Variants in POLQ observed in about 807,000 individuals in gnomAD.
POLQ encodes epididymis secretory sperm binding protein.
A neutral mutation model predicts 259.2 loss-of-function variants in POLQ; 233 were observed. That is an observed-to-expected ratio of 0.90 (90% CI 0.81 to 1.00). POLQ has a LOEUF of 1.00. Ranked by LOEUF, POLQ falls within the 50% of genes least tolerant of loss-of-function variation. POLQ has a pLI of 0.00. For missense variants in POLQ, 2,871 were observed against 3,051.6 expected (o/e 0.94, Z 1.39); for synonymous variants, 1,025 against 1,048.8 (o/e 0.98, Z 0.44).
At chr3:121,542,346 C>G (rs1006265131) in intron 2 of POLQ, among the ~76,000 whole-genome samples, 1 of 151,792 alleles carries the variant, frequency 6.6e-6, no homozygotes, top group African/African-American at 2.4e-5. Flanking sequence ...GTTGCAGTCA[C>G]GCCATTGCAC....
In POLQ at chr3:121,436,280, A is replaced by G; in HGVS notation, c.7390-5T>C. 6.2e-7 allele frequency: 1 copy of G among 1,613,522 alleles called. No individual in the cohort carries two copies. Among genetic ancestry groups the G allele is most frequent in the Non-Finnish European group, 8.5e-7 (1 of 1,179,588 alleles). ...GTTGATAGCTTGACGCTCAGCCTAGAAAAAACAATCAACAGGTGCTCCACC... is the reference window on the plus strand; with the variant it reads ...GTTGATAGCTTGACGCTCAGCCTAGGAAAAACAATCAACAGGTGCTCCACC... On this transcript the variant is annotated splice_region_variant and splice_polypyrimidine_tract_variant and intron_variant, in intron 27 of 29. Coordinates refer to ENST00000264233, the MANE Select transcript of POLQ (RefSeq NM_199420.4).
At chr3:121,509,731 G>A in intron 11 of POLQ, 28 bp from the exon 12 acceptor site, 1 of 1,588,916 alleles carries the variant, frequency 6.3e-7, no homozygotes, top group Non-Finnish European at 8.6e-7. Flanking sequence ...TGAGGAAACA[G>A]AGGAACAAAC....
intron 22 of POLQ, among the ~76,000 whole-genome samples, chr3:121,469,941 C>G (rs1021118327): frequency 2.0e-5 from 3 of 151,834 alleles, no homozygotes; most frequent in Admixed American, 6.6e-5. Flanking sequence ...GAACAAATAA[C>G]AAAGCAGAAG....
intron 25 of POLQ, among the ~76,000 whole-genome samples, chr3:121,458,746 C>T (rs79003809): frequency 3.9e-5 from 6 of 152,212 alleles, no homozygotes; most frequent in Non-Finnish European, 7.4e-5. Flanking sequence ...GCTTGATGAG[C>T]CAGTCAAGAA....
chr3:121,513,351 C>G (rs530840501), intron 9 of POLQ, among the ~76,000 whole-genome samples: 58 of 152,116 alleles, frequency 3.8e-4, no homozygotes, highest in African/African-American at 1.4e-3. Context: ...CACCTTTAAT[C>G]CCAGCACTTT....
intron 26 of POLQ, among the ~76,000 whole-genome samples, chr3:121,447,591 T>C (rs759022872): frequency 6.6e-6 from 1 of 152,222 alleles, no homozygotes; most frequent in African/African-American, 2.4e-5. Context: ...TATATCACAA[T>C]TGCAATGTTA....
intron 17 of POLQ, among the ~76,000 whole-genome samples, 181 bp downstream of exon 17, chr3:121,484,860 C>A (rs892870037): frequency 1.3e-5 from 2 of 152,108 alleles, no homozygotes; most frequent in African/African-American, 2.4e-5. Context: ...AAGATCATGC[C>A]ACTGTACTCC....
chr3:121,489,354 T>C lies in POLQ; in HGVS notation c.3577A>G (p.Asn1193Asp). The C allele has an allele frequency of 6.2e-7, 1 of 1,613,388 alleles. No homozygotes were observed. The highest frequency in any genetic ancestry group is 8.5e-7 in the Non-Finnish European group (1 of 1,179,768). The change falls in exon 16 of 30, where the codon AAC becomes GAC. Residue 1193 changes from asparagine to aspartate, a missense_variant. By Grantham distance (23) the Asn-to-Asp change is conservative. Coordinates refer to ENST00000264233, the MANE Select transcript of POLQ (RefSeq NM_199420.4). ...YMKHHDIHPI[N>D]QYLRKQSHEQ... The stretch of plus-strand genomic sequence containing the variant: ...TGAGATTGCTTTCGCAGGTACTGGT[T>C]AATTGGATGGATGTCATGGTGTTTC...
At chr3:121,438,950 G>T (rs1455981536) in intron 27 of POLQ, among the ~76,000 whole-genome samples, 2 of 152,160 alleles carry the variant, frequency 1.3e-5, no homozygotes, top group African/African-American at 2.4e-5. Flanking sequence ...GCTCCAGACA[G>T]AAGTTTAGCG....
intron 9 of POLQ, among the ~76,000 whole-genome samples, chr3:121,519,318 G>A (rs2048319986): frequency 2.0e-5 from 3 of 147,624 alleles, no homozygotes; most frequent in African/African-American, 5.0e-5. Context: ...CAATACGAAA[G>A]AAAAACTTAA....
rs747351072 is a variant in POLQ, at chr3:121,519,900, C to T, written c.1439G>A (p.Arg480His). Reference protein sequence around the residue: ...DILTYKQMVGRAGRKGVDTVG... With the variant: ...DILTYKQMVGHAGRKGVDTVG... ...TGTGTCCACTCCTTTCCTGCCAGCA[C>T]GGCCAACCATCTGCTTATAAGTAAG... Residue 480 changes from arginine (R) to histidine (H), a missense_variant, in exon 9 of 30, where the codon CGT (arginine) becomes CAT (histidine). Around this residue, in one of 3 missense-constraint regions of POLQ, gnomAD observed 783 missense variants for 906.2 expected, o/e 0.86. Transcript: ENST00000264233. 6.9e-6 allele frequency: 11 copies of T among 1,602,824 alleles called. No individual in the cohort carries two copies. The highest frequency in any genetic ancestry group is 1.7e-5 in the Admixed American group (1 of 59,960).
intron 22 of POLQ, 78 bp from the exon 23 acceptor site, chr3:121,468,509 A>C (rs1049264199): frequency 9.8e-7 from 1 of 1,015,340 alleles, no homozygotes; most frequent in African/African-American, 1.6e-5. Context: ...ACATTTCTGG[A>C]TTATCTTAAA....
intron 24 of POLQ, among the ~76,000 whole-genome samples, chr3:121,462,565 G>A (rs1447749214): frequency 6.6e-6 from 1 of 152,206 alleles, no homozygotes; most frequent in Non-Finnish European, 1.5e-5. Context: ...CAAATATTAA[G>A]TTGTGCAGGG....
chr3:121,509,691 T>G lies in POLQ; in HGVS notation c.1829A>C (p.His610Pro). ...ASDGTEGKVY[H>P]PTHLGSATLS... ...AGTGGCCGAACCAAGATGTGTTGGATGATACACCTTTCCTGGTTTAGGGTT... is the reference window on the plus strand; with the variant it reads ...AGTGGCCGAACCAAGATGTGTTGGAGGATACACCTTTCCTGGTTTAGGGTT... The change falls in exon 12 of 30, where the codon CAT (histidine) becomes CCT (proline). Residue 610 changes from histidine to proline, a missense_variant. Transcript: ENST00000264233. The G allele has an allele frequency of 1.2e-6, 2 of 1,613,082 alleles. No individual in the cohort carries two copies. Among genetic ancestry groups the G allele is most frequent in the Non-Finnish European group, 1.7e-6 (2 of 1,179,578 alleles).
intron 6 of POLQ, 84 bp from the exon 7 acceptor site, chr3:121,529,876 G>A (rs948810335): frequency 2.9e-6 from 3 of 1,036,834 alleles, no homozygotes; most frequent in African/African-American, 3.3e-5. Flanking sequence ...TTTCCTTTCT[G>A]GGGAAGCTTT....
chr3:121,460,268 A>C (rs757031269), intron 24 of POLQ, 34 bp from the exon 25 acceptor site: 3 of 1,516,778 alleles, frequency 2.0e-6, no homozygotes, highest in Admixed American at 3.4e-5. Flanking sequence ...AAGCTAGTAC[A>C]AAGTTTCTAT....
intron 12 of POLQ, among the ~76,000 whole-genome samples, chr3:121,502,235 CA>C (rs1424694377): frequency 2.0e-5 from 3 of 152,068 alleles, no homozygotes; most frequent in Non-Finnish European, 4.4e-5. Flanking sequence ...TTGTTTGAGA[CA>C]GGGTCTCACT....
At position 121,478,426 on chromosome 3, in the gene POLQ, TA is replaced by T. The variant is rs1257640765; in HGVS notation, c.6212-1694del. ...GATCCCCAAAACTGCAGATAAGGAC[TA>T]GTTAGAATATTGCACAACTGTGAAT... On this transcript the variant is annotated intron_variant, in intron 19 of 29. Coordinates refer to ENST00000264233, the MANE Select transcript of POLQ (RefSeq NM_199420.4). Among the ~76,000 whole-genome samples the T allele has an allele frequency of 2.0e-5, 3 of 152,164 alleles. No individual in the cohort carries two copies. In the East Asian group the frequency reaches 5.8e-4, roughly 29 times the overall value.
intron 25 of POLQ, among the ~76,000 whole-genome samples, chr3:121,458,765 G>T (rs1296411903): frequency 6.6e-6 from 1 of 152,128 alleles, no homozygotes; most frequent in Non-Finnish European, 1.5e-5. Context: ...AAGTACAGCT[G>T]TGAGGCTGGG....
Sources: allele counts gnomAD v4.1 joint callset (sites outside exome capture counted in the v4.1 genomes callset), GRCh38; gene constraint gnomAD v4.1.1; regional missense constraint gnomAD v4.1.1; transcripts MANE v1.5; gene names NCBI Gene and HGNC (gene_info 2026-07-23, HGNC 2026-07-21).